Variants in KCNQ5 observed in about 807,000 individuals in gnomAD.
The protein encoded by KCNQ5 is potassium voltage-gated channel subfamily Q member 5.
A neutral mutation model predicts 98.2 loss-of-function variants in KCNQ5; 30 were observed. The observed-to-expected ratio is 0.31, with a 90% CI of 0.23 to 0.41. KCNQ5 has a LOEUF of 0.41. Ranked by LOEUF, KCNQ5 falls within the 10% of genes least tolerant of loss-of-function variation. The pLI, the probability that KCNQ5 is intolerant of heterozygous loss-of-function variation, is 1.00. For missense variants in KCNQ5, 835 were observed against 1,182.5 expected, an observed-to-expected ratio of 0.71 and a Z score of 4.31; for synonymous variants, 458 against 449.4, an observed-to-expected ratio of 1.02 and a Z score of -0.24.
rs568527567 is a variant in KCNQ5, at chr6:72,685,471, G to A, written c.398+62884G>A. Among the ~76,000 whole-genome samples the A allele has an allele frequency of 5.3e-5, 8 of 152,226 alleles. No homozygotes were observed. The East Asian group carries it at 9.6e-4, about 18-fold the overall frequency. On this transcript the variant is annotated intron_variant, in intron 1 of 13. Transcript: ENST00000370398. Reference sequence around the variant, plus strand: ...TTAACAGTGAGAATTCTTCCATCCCGTTCCTGGCCCCCTGACAACCAATTT... The same window carrying A: ...TTAACAGTGAGAATTCTTCCATCCCATTCCTGGCCCCCTGACAACCAATTT...
At chr6:72,673,059 A>ACTT (rs1767219380) in intron 1 of KCNQ5, among the ~76,000 whole-genome samples, 2 of 152,176 alleles carry the variant, frequency 1.3e-5, no homozygotes, top group Non-Finnish European at 2.9e-5. Flanking sequence ...TCCAGTAGTG[A>ACTT]GGTTACTACA....
intron 2 of KCNQ5, among the ~76,000 whole-genome samples, chr6:73,005,138 G>C (rs1315919521): frequency 6.6e-6 from 1 of 152,158 alleles, no homozygotes; most frequent in Non-Finnish European, 1.5e-5. Context: ...CATACAAATT[G>C]TGCTCCAGCA....
At chr6:72,758,999 A>G (rs1772114162) in intron 1 of KCNQ5, among the ~76,000 whole-genome samples, 1 of 152,192 alleles carries the variant, frequency 6.6e-6, no homozygotes, top group South Asian at 2.1e-4. Flanking sequence ...CACTGAAACT[A>G]CACATTTAGT....
chr6:72,762,058 G>C (rs1277482790), intron 1 of KCNQ5, among the ~76,000 whole-genome samples: 1 of 152,034 alleles, frequency 6.6e-6, no homozygotes, highest in East Asian at 1.9e-4. Context: ...GGTATATCCA[G>C]GAGACATTTT....
At position 73,108,257 on chromosome 6, in the gene KCNQ5, T is replaced by TGTGTTA. The variant is rs145388145; in HGVS notation, c.1029+2891_1029+2896dup. Among the ~76,000 whole-genome samples the TGTGTTA allele has an allele frequency of 9.0e-3, 1,373 of 152,298 alleles. 24 individuals are homozygous for TGTGTTA. The highest frequency in any genetic ancestry group is 0.031 in the African/African-American group (1,291 of 41,562). ...CTCACAGAAGAAGCCCCAGCTCCCCTGTGTTACCCTGATATGCAGGTCTTT... is the reference window on the plus strand; with the variant it reads ...CTCACAGAAGAAGCCCCAGCTCCCCTGTGTTAGTGTTACCCTGATATGCAGGTCTTT... On this transcript the variant is annotated intron_variant, in intron 6 of 13. Coordinates refer to ENST00000370398, the MANE Select transcript of KCNQ5 (RefSeq NM_019842.4).
intron 1 of KCNQ5, among the ~76,000 whole-genome samples, chr6:72,935,382 A>G (rs2150233451): frequency 6.6e-6 from 1 of 152,110 alleles, no homozygotes; most frequent in East Asian, 1.9e-4. Flanking sequence ...GCGTTGTCCT[A>G]TCTTTGTCTT....
chr6:72,999,779 G>T (rs778562739), intron 1 of KCNQ5, among the ~76,000 whole-genome samples: 2 of 152,150 alleles, frequency 1.3e-5, no homozygotes, highest in Non-Finnish European at 2.9e-5. Context: ...ACCCCTAGCA[G>T]TAGGGCTAAT....
intron 1 of KCNQ5, among the ~76,000 whole-genome samples, chr6:72,632,667 G>C (rs1180136564): frequency 6.6e-6 from 1 of 152,136 alleles, no homozygotes; most frequent in East Asian, 1.9e-4. Context: ...ACTTCTAAGT[G>C]AGAATATGTG....
At chr6:72,740,520 CAAAG>C (rs1221222708) in intron 1 of KCNQ5, among the ~76,000 whole-genome samples, 3 of 152,032 alleles carry the variant, frequency 2.0e-5, no homozygotes, top group Non-Finnish European at 2.9e-5. Flanking sequence ...ATGAGATTCT[CAAAG>C]AAAGATTAAG....
intron 1 of KCNQ5, among the ~76,000 whole-genome samples, chr6:72,685,238 T>G (rs1767891370): frequency 6.6e-6 from 1 of 152,212 alleles, no homozygotes; most frequent in East Asian, 1.9e-4. Flanking sequence ...ATTCAATGGT[T>G]TCTGTCTGTG....
chr6:72,848,016 T>TAAA (rs60827908), intron 1 of KCNQ5, among the ~76,000 whole-genome samples: 4 of 145,746 alleles, frequency 2.7e-5, no homozygotes, highest in South Asian at 2.2e-4. Flanking sequence ...CCAGAAAAGC[T>TAAA]AAAAAAAAAA....
chr6:72,741,087 A>G (rs763194583), intron 1 of KCNQ5, among the ~76,000 whole-genome samples: 3 of 152,210 alleles, frequency 2.0e-5, no homozygotes, highest in Admixed American at 6.5e-5. Flanking sequence ...GGTGAAGTCA[A>G]TGATGTCTTG....
At chr6:72,697,963 C>A (rs2154474496) in intron 1 of KCNQ5, among the ~76,000 whole-genome samples, 1 of 152,228 alleles carries the variant, frequency 6.6e-6, no homozygotes, top group South Asian at 2.1e-4. Context: ...TGCCTGTAAT[C>A]CCAGTACTTT....
chr6:72,816,279 G>A (rs558498579), intron 1 of KCNQ5, among the ~76,000 whole-genome samples: 3 of 152,310 alleles, frequency 2.0e-5, no homozygotes, highest in Non-Finnish European at 4.4e-5. Flanking sequence ...GGCATGCTGT[G>A]AAAGATTAAG....
At chr6:72,895,679 AT>A (rs917372603) in intron 1 of KCNQ5, among the ~76,000 whole-genome samples, 1 of 149,178 alleles carries the variant, frequency 6.7e-6, no homozygotes, top group African/African-American at 2.4e-5. Flanking sequence ...GAGTCAACAT[AT>A]ATTATATATA....
intron 9 of KCNQ5, among the ~76,000 whole-genome samples, chr6:73,124,936 G>GATATATATAT (rs1180218889): frequency 4.6e-4 from 35 of 76,250 alleles, no homozygotes; most frequent in African/African-American, 4.4e-4. Flanking sequence ...CTTTTGGAGT[G>GATATATATAT]ATATATATAT....
At chr6:73,059,807 A>G (rs1772699107) in intron 3 of KCNQ5, among the ~76,000 whole-genome samples, 2 of 152,172 alleles carry the variant, frequency 1.3e-5, no homozygotes, top group Non-Finnish European at 2.9e-5. Context: ...TACTGTGATA[A>G]ATGAATGTAA....
chr6:72,647,902 T>G (rs1295024699), intron 1 of KCNQ5, among the ~76,000 whole-genome samples: 1 of 152,154 alleles, frequency 6.6e-6, no homozygotes, highest in African/African-American at 2.4e-5. Flanking sequence ...TGAAATTAAA[T>G]AAGATTTCCC....
chr6:72,745,385 A>G (rs1372284281), intron 1 of KCNQ5, among the ~76,000 whole-genome samples: 1 of 152,226 alleles, frequency 6.6e-6, no homozygotes, highest in Non-Finnish European at 1.5e-5. Context: ...GTGAGCACAC[A>G]TGTAACTTTC....
Sources: allele counts gnomAD v4.1 joint callset (sites outside exome capture counted in the v4.1 genomes callset), GRCh38; gene constraint gnomAD v4.1.1; transcripts MANE v1.5; gene names NCBI Gene and HGNC (gene_info 2026-07-23, HGNC 2026-07-21).